Variants in ANTXR1 observed in about 807,000 individuals in gnomAD.
ANTXR1 encodes the protein anthrax toxin receptor 1.
A neutral mutation model predicts 78.1 loss-of-function variants in ANTXR1; 19 were observed. The observed-to-expected ratio is 0.24, with a 90% CI of 0.17 to 0.36. The LOEUF is 0.36. Among genes scored for constraint, ANTXR1 ranks in the 10% least tolerant of loss-of-function variants. ANTXR1 has a pLI of 1.00. For synonymous variants in ANTXR1, 273 were observed against 260.5 expected, an observed-to-expected ratio of 1.05 and a Z score of -0.46; for missense variants, 518 against 718.6, an observed-to-expected ratio of 0.72 and a Z score of 3.19.
chr2:69,015,673 T>A (rs1671005173), intron 1 of ANTXR1, among the ~76,000 whole-genome samples: 2 of 152,108 alleles, frequency 1.3e-5, no homozygotes, highest in Admixed American at 1.3e-4. Context: ...TGAATATTAC[T>A]GTAATCTTAG....
intron 8 of ANTXR1, among the ~76,000 whole-genome samples, chr2:69,084,143 CA>C (rs1301090377): frequency 6.6e-6 from 1 of 152,206 alleles, no homozygotes; most frequent in Non-Finnish European, 1.5e-5. Context: ...AAAGCAACAG[CA>C]GAATTTTAGA....
At position 69,152,249 on chromosome 2, in the gene ANTXR1, C is replaced by A; in HGVS notation, c.1032C>A (p.Pro344=). Residue 344 remains proline (P), a synonymous_variant, in exon 13 of 18, where the codon CCC becomes CCA. Transcript: ENST00000303714. Reference sequence around the variant, plus strand: ...TGGCTCTCCTCTGGTGGTTCTGGCCCCTCTGCTGCACTGTGGTAAGTGCCC... The same window carrying A: ...TGGCTCTCCTCTGGTGGTTCTGGCCACTCTGCTGCACTGTGGTAAGTGCCC... The part of the protein sequence containing the change: ...LALALLWWFW[P]LCCTVIIKEV... 6.2e-7 allele frequency: 1 copy of A among 1,614,164 alleles called. No homozygotes were observed. Among genetic ancestry groups the A allele is most frequent in the African/African-American group, 1.3e-5 (1 of 75,042 alleles).
chr2:69,135,833 G>T (rs1199226047), intron 12 of ANTXR1, among the ~76,000 whole-genome samples: 1 of 151,902 alleles, frequency 6.6e-6, no homozygotes, highest in African/African-American at 2.4e-5. Context: ...GCAGCCAAAA[G>T]AATTAATAAA....
chr2:69,013,230 CG>C lies in ANTXR1; in HGVS notation c.-268del. 1 of 512,386 alleles carries C rather than the reference CG, an allele frequency of 2.0e-6. No homozygotes were observed. The highest frequency in any genetic ancestry group is 3.2e-5 in the Admixed American group (1 of 30,826). 31.7% of individuals were successfully genotyped at this position (512,386 alleles called of 1,614,324 possible). A position where few individuals can be genotyped will look rare whatever the true frequency, so the allele number is the denominator to read the frequency against. ...CGGCGCGGCCTCGGGAGCTGCCCGG[CG>C]GCCCCGGACCGAGGCAGCCCTCCCC... is the stretch of plus-strand genomic sequence containing the variant. On this transcript the variant is annotated 5_prime_UTR_variant, in exon 1 of 18. Transcript: ENST00000303714. The surrounding 1 kb of genome is among the most constrained non-coding windows in gnomAD (Gnocchi z 5.0).
At chr2:69,177,667 C>T (rs968835459) in intron 14 of ANTXR1, among the ~76,000 whole-genome samples, 1 of 152,208 alleles carries the variant, frequency 6.6e-6, no homozygotes, top group Admixed American at 6.5e-5. Context: ...TCGCTTCTTC[C>T]GCGTTATCTC....
At chr2:69,122,205 A>G (rs1002737303) in intron 10 of ANTXR1, among the ~76,000 whole-genome samples, 1 of 152,146 alleles carries the variant, frequency 6.6e-6, no homozygotes, top group Admixed American at 6.5e-5. Flanking sequence ...TGCTCATGCC[A>G]TTCCTCCAAC....
intron 17 of ANTXR1, among the ~76,000 whole-genome samples, chr2:69,229,198 T>C (rs2104519054): frequency 6.6e-6 from 1 of 152,244 alleles, no homozygotes; most frequent in South Asian, 2.1e-4. Flanking sequence ...GACACACACA[T>C]TCGGTCCATA....
At chr2:69,060,299 A>G (rs987362575) in intron 3 of ANTXR1, among the ~76,000 whole-genome samples, 1 of 152,212 alleles carries the variant, frequency 6.6e-6, no homozygotes, top group African/African-American at 2.4e-5. Flanking sequence ...AGAAAGCTAA[A>G]GTTCAGGGAG....
intron 9 of ANTXR1, among the ~76,000 whole-genome samples, chr2:69,101,939 T>A (rs1391679028): frequency 6.6e-6 from 1 of 152,230 alleles, no homozygotes; most frequent in Admixed American, 6.5e-5. Flanking sequence ...TTTTCCATGG[T>A]AGGAGTATGG....
At chr2:69,133,209 A>G (rs547553109) in intron 12 of ANTXR1, among the ~76,000 whole-genome samples, 11 of 152,288 alleles carry the variant, frequency 7.2e-5, no homozygotes, top group African/African-American at 2.4e-4. Context: ...CCATGAGTGT[A>G]TTTTCCCCAA....
chr2:69,128,673 T>C (rs563443571), intron 12 of ANTXR1, among the ~76,000 whole-genome samples: 5 of 152,292 alleles, frequency 3.3e-5, no homozygotes, highest in East Asian at 3.9e-4. Context: ...GAAACTATCA[T>C]TGGGCAAAAT....
At chr2:69,068,474 G>A (rs186890513) in intron 3 of ANTXR1, among the ~76,000 whole-genome samples, 25 of 152,296 alleles carry the variant, frequency 1.6e-4, no homozygotes, top group Admixed American at 6.5e-4. Flanking sequence ...TGAAGAGCTG[G>A]TCAAATAGTG....
intron 8 of ANTXR1, among the ~76,000 whole-genome samples, chr2:69,087,374 C>T (rs910342568): frequency 6.6e-6 from 1 of 152,154 alleles, no homozygotes; most frequent in Non-Finnish European, 1.5e-5. Context: ...AGAGAGGAAA[C>T]AGGGACTCAG....
intron 2 of ANTXR1, among the ~76,000 whole-genome samples, chr2:69,042,674 A>C (rs1007450469): frequency 1.3e-5 from 2 of 152,158 alleles, no homozygotes; most frequent in African/African-American, 4.8e-5. Flanking sequence ...TTGTCTTTAA[A>C]GACTGGCCAT....
chr2:69,248,541 AGATC>A lies in ANTXR1; in HGVS notation c.*3057_*3060del, dbSNP rs1676068950. The stretch of plus-strand genomic sequence containing the variant: ...TTGGTGCACCCTCCAGTGAGACACA[AGATC>A]TCTCTTTTACCAAAGTTGAGAACAG... On this transcript the variant is annotated 3_prime_UTR_variant, in exon 18 of 18. Transcript: ENST00000303714. 1 of 152,612 alleles carries A rather than the reference AGATC, an allele frequency of 6.6e-6. No homozygotes were observed. Among genetic ancestry groups the A allele is most frequent in the South Asian group, 2.1e-4 (1 of 4,834 alleles). The allele number at this position is 152,612 out of a possible 1,614,324, so 9.5% of individuals were successfully genotyped here. A position where few individuals can be genotyped will look rare whatever the true frequency, so the allele number is the denominator to read the frequency against.
At chr2:69,016,996 G>A (rs1236094307) in intron 1 of ANTXR1, among the ~76,000 whole-genome samples, 2 of 152,190 alleles carry the variant, frequency 1.3e-5, no homozygotes, top group Non-Finnish European at 2.9e-5. Flanking sequence ...AAATGGTGGG[G>A]AGACCTTTAC....
At chr2:69,116,029 T>C (rs150902964) in intron 10 of ANTXR1, among the ~76,000 whole-genome samples, 188 of 152,370 alleles carry the variant, frequency 1.2e-3, no homozygotes, top group African/African-American at 3.9e-3. Flanking sequence ...TTGAATCTTC[T>C]CATTTCTCCT....
chr2:69,021,542 G>A (rs1191658370), intron 1 of ANTXR1, among the ~76,000 whole-genome samples: 1 of 152,150 alleles, frequency 6.6e-6, no homozygotes, highest in African/African-American at 2.4e-5. Context: ...CATCAAGGCT[G>A]CGAGGGAAGA....
intron 5 of ANTXR1, 31 bp downstream of exon 5, chr2:69,071,818 A>G (rs1670575919): frequency 1.2e-6 from 2 of 1,604,324 alleles, no homozygotes; most frequent in Non-Finnish European, 1.7e-6. Context: ...ACCATTATGA[A>G]TTATTTAACT....
Sources: allele counts gnomAD v4.1 joint callset (sites outside exome capture counted in the v4.1 genomes callset), GRCh38; gene constraint gnomAD v4.1.1; non-coding constraint Gnocchi (gnomAD v3.1); transcripts MANE v1.5; gene names NCBI Gene and HGNC (gene_info 2026-07-23, HGNC 2026-07-21).